The following ADD2 variants were observed in gnomAD, a reference collection of about 807,000 sequenced individuals.
ADD2 encodes beta-adducin.
Under a neutral mutation model 83.0 loss-of-function variants are expected in ADD2, and 23 were observed. That is an observed-to-expected ratio of 0.28 (90% CI 0.20 to 0.39). The LOEUF is 0.39. Ranked by LOEUF, ADD2 falls within the 10% of genes least tolerant of loss-of-function variation. The pLI, the probability that ADD2 is intolerant of heterozygous loss-of-function variation, is 1.00. For synonymous variants in ADD2, 375 were observed against 375.4 expected (o/e 1.00, Z 0.01); for missense variants, 758 against 944.9 (o/e 0.80, Z 2.59).
intron 1 of ADD2, among the ~76,000 whole-genome samples, chr2:70,723,481 C>T (rs1672833275): frequency 6.6e-6 from 1 of 151,816 alleles, no homozygotes. Flanking sequence ...CTCAAGGGAA[C>T]ATCAACGAAT....
intron 1 of ADD2, among the ~76,000 whole-genome samples, chr2:70,725,087 G>T (rs1553377990): frequency 1.3e-5 from 2 of 152,228 alleles, no homozygotes; most frequent in African/African-American, 4.8e-5. Context: ...TTTACAAGCT[G>T]CGAGGGTTAC....
chr2:70,678,990 T>C (rs782364055), intron 10 of ADD2, 29 bp from the exon 11 acceptor site: 9 of 1,567,688 alleles, frequency 5.7e-6, no homozygotes, highest in East Asian at 2.2e-5. Context: ...GAACCACTTA[T>C]GGGGTGAGAA....
intron 9 of ADD2, among the ~76,000 whole-genome samples, chr2:70,684,021 G>T (rs896873973): frequency 1.3e-5 from 2 of 152,196 alleles, no homozygotes; most frequent in Admixed American, 1.3e-4. Flanking sequence ...CAAAACAGAG[G>T]ACTGAAAGTT....
At chr2:70,749,459 AG>A (rs1257873548) in intron 1 of ADD2, among the ~76,000 whole-genome samples, 1 of 152,162 alleles carries the variant, frequency 6.6e-6, no homozygotes, top group Non-Finnish European at 1.5e-5. Flanking sequence ...CACTAATGCC[AG>A]GGGAAGTTAT....
At chr2:70,689,768 C>A (rs554099226) in intron 8 of ADD2, among the ~76,000 whole-genome samples, 104 of 152,278 alleles carry the variant, frequency 6.8e-4, no homozygotes, top group African/African-American at 2.5e-3. Context: ...GCTAACCATC[C>A]CCAAATATGT....
intron 1 of ADD2, among the ~76,000 whole-genome samples, chr2:70,737,162 T>C (rs1308462662): frequency 1.3e-5 from 2 of 152,158 alleles, no homozygotes; most frequent in Admixed American, 1.3e-4. Flanking sequence ...CGGAAGACAG[T>C]GTGGCGATTC....
intron 15 of ADD2, among the ~76,000 whole-genome samples, chr2:70,669,292 CT>C (rs61307826): frequency 0.15 from 22,885 of 152,180 alleles, 1,956 homozygotes; most frequent in African/African-American, 0.23. Context: ...AATGCATCTT[CT>C]TTAGTGTTGT....
Position 70,663,390 on chromosome 2 carries a change from A to C in ADD2, c.*35T>G, listed in dbSNP as rs1451563812. ...ATGGGAGAAGGGAAGGGGAGGAGAGAGAGGAGGCAGGAGGGAGCCCAAGGG... is the reference window on the plus strand; with the variant it reads ...ATGGGAGAAGGGAAGGGGAGGAGAGCGAGGAGGCAGGAGGGAGCCCAAGGG... On this transcript the variant is annotated 3_prime_UTR_variant, in exon 16 of 16. Transcript: ENST00000264436. 10 of 1,574,342 alleles carry C rather than the reference A, an allele frequency of 6.4e-6. No individual in the cohort carries two copies. Among genetic ancestry groups the C allele is most frequent in the Non-Finnish European group, 8.7e-6 (10 of 1,154,436 alleles).
chr2:70,745,617 C>A (rs564786694), intron 1 of ADD2, among the ~76,000 whole-genome samples: 2 of 152,274 alleles, frequency 1.3e-5, no homozygotes, highest in East Asian at 3.9e-4. Context: ...CCATCCAAAG[C>A]CAGACTATAG....
intron 1 of ADD2, among the ~76,000 whole-genome samples, chr2:70,752,893 AATCT>A (rs1386464789): frequency 6.6e-5 from 10 of 152,238 alleles, no homozygotes; most frequent in Non-Finnish European, 1.2e-4. Context: ...ATGAGACTGG[AATCT>A]ACATTTTAAC....
intron 14 of ADD2, chr2:70,673,222 T>G (rs782574906): frequency 6.2e-7 from 1 of 1,613,466 alleles, no homozygotes; most frequent in Non-Finnish European, 8.5e-7. Flanking sequence ...TCATGTTTCC[T>G]TCATCAAAAC....
chr2:70,696,100 T>C, intron 5 of ADD2, 145 bp downstream of exon 5: 1 of 1,152,704 alleles, frequency 8.7e-7, no homozygotes, highest in Non-Finnish European at 1.2e-6. Context: ...ATGACCACAG[T>C]GGTTAAAAAA....
In ADD2 at chr2:70,706,078, A is replaced by C; in HGVS notation, c.183+148T>G. ...TTACAAGGGAGAGTGTCAAGGCCCC[A>C]GGTGACCAGATCCGTCTTGCTCAGT... is the stretch of plus-strand genomic sequence containing the variant. On this transcript the variant is annotated intron_variant, in intron 3 of 15. Transcript: ENST00000264436. The surrounding 1 kb of genome is among the most constrained non-coding windows in gnomAD (Gnocchi z 5.0). 1.3e-6 allele frequency: 1 copy of C among 769,188 alleles called. No individual in the cohort carries two copies. Among genetic ancestry groups the C allele is most frequent in the Non-Finnish European group, 2.0e-6 (1 of 502,720 alleles). 47.6% of individuals were successfully genotyped at this position (769,188 alleles called of 1,614,324 possible).
intron 1 of ADD2, among the ~76,000 whole-genome samples, chr2:70,762,826 C>A (rs756202889): frequency 1.2e-4 from 18 of 151,284 alleles, no homozygotes; most frequent in Non-Finnish European, 2.2e-4. Context: ...CTGCCACAGC[C>A]TCTGGAATAG....
At chr2:70,675,005 C>A in intron 13 of ADD2, 180 bp from the exon 14 acceptor site, 1 of 1,342,528 alleles carries the variant, frequency 7.4e-7, no homozygotes, top group Non-Finnish European at 9.6e-7. Flanking sequence ...CCCATTGCTA[C>A]CTTACCCCTA....
chr2:70,761,757 T>C (rs1344596234), intron 1 of ADD2, among the ~76,000 whole-genome samples: 1 of 150,620 alleles, frequency 6.6e-6, no homozygotes, highest in African/African-American at 2.5e-5. Context: ...CTGCAAGCTC[T>C]GCCTCCCGGG....
At chr2:70,684,192 G>A (rs1553370140) in intron 9 of ADD2, among the ~76,000 whole-genome samples, 1 of 152,122 alleles carries the variant, frequency 6.6e-6, no homozygotes, top group East Asian at 1.9e-4. Context: ...TGATTGGTAG[G>A]TATGGGTGTC....
At chr2:70,696,222 CA>C (rs782617106) in intron 5 of ADD2, 22 bp downstream of exon 5, 1 of 1,605,092 alleles carries the variant, frequency 6.2e-7, no homozygotes. Flanking sequence ...GTGCCCCACC[CA>C]ATTCCAGGGC....
rs574694816 is a variant in ADD2, at chr2:70,683,307, G to A, written c.1125+284C>T. 8.5e-5 allele frequency among the ~76,000 whole-genome samples: 13 copies of A among 152,254 alleles called. 1 individual carries two copies. The South Asian group carries it at 2.3e-3, about 27-fold the overall frequency. Reference sequence around the variant, plus strand: ...CTCCCAGAGTGCTGGGATTAAAGGTGTGAGCCACTGCGCCCGGCCTGGACT... The same window carrying A: ...CTCCCAGAGTGCTGGGATTAAAGGTATGAGCCACTGCGCCCGGCCTGGACT... On this transcript the variant is annotated intron_variant, in intron 10 of 15. Coordinates refer to ENST00000264436, the MANE Select transcript of ADD2 (RefSeq NM_001617.4).
Sources: gnomAD v4.1 joint callset for allele counts (sites outside exome capture counted in the v4.1 genomes callset) on GRCh38, gnomAD v4.1.1 for gene constraint, Gnocchi (gnomAD v3.1) non-coding constraint, MANE v1.5 for transcripts, NCBI Gene and HGNC (gene_info 2026-07-23, HGNC 2026-07-21) for gene names.